GPRIN2: variants seen among roughly 807,000 people sequenced by gnomAD.
The protein encoded by GPRIN2 is G protein-regulated inducer of neurite outgrowth 2.
GPRIN2 carries 1 observed loss-of-function variant against 0.3 expected under a neutral mutation model. That is an observed-to-expected ratio of 3.90 (90% confidence interval 1.39 to 18.51). GPRIN2 has a LOEUF of 18.51. GPRIN2 is among the 30% of genes most tolerant of loss of function. The probability of loss-of-function intolerance (pLI) is 0.11; values close to 1 mark genes in which losing one functional copy is unlikely to be tolerated. For synonymous variants in GPRIN2, 361 were observed against 258.6 expected (o/e 1.40, Z -3.80); for missense variants, 880 against 604.2 (o/e 1.46, Z -4.79).
Position 46,550,608 on chromosome 10 carries a change from G to A in GPRIN2, c.129C>T (p.Ala43=). The A allele has an allele frequency of 6.3e-7, 1 of 1,587,276 alleles. No individual in the cohort carries two copies. Among genetic ancestry groups the A allele is most frequent in the Non-Finnish European group, 8.6e-7 (1 of 1,167,128 alleles). The change falls in exon 3 of 3, where the codon GCC becomes GCT. Residue 43 remains alanine (A), a synonymous_variant. Coordinates refer to ENST00000374314, the MANE Select transcript of GPRIN2 (RefSeq NM_001385282.1). ...GCTGGGCCTGCCACACGGTGCTGCT[G>A]GCAGTCTTGCGGAGCTCTGGCCTCT... The part of the protein sequence containing the change: ...REQRPELRKT[A]SSTVWQAQLG...
chr10:46,550,128 G>T lies in GPRIN2; in HGVS notation c.609C>A (p.Asp203Glu). The T allele has an allele frequency of 6.2e-7, 1 of 1,607,104 alleles. No homozygotes were observed. The part of the protein sequence containing the change: ...QLSVPPLDLG[D>E]TTAHSSSAQA... ...GGGCACTGCTGCTGTGGGCAGTTGTGTCCCCCAGGTCTAGTGGTGGCACTG... is the reference window on the plus strand; with the variant it reads ...GGGCACTGCTGCTGTGGGCAGTTGTTTCCCCCAGGTCTAGTGGTGGCACTG... The change falls in exon 3 of 3, where the codon GAC (aspartate) becomes GAA (glutamate). Residue 203 changes from aspartate (D) to glutamate (E), a missense_variant. Transcript: ENST00000374314.
rs970195409 is a variant in GPRIN2 at position 46,545,826 on chromosome 10, A to C, written c.*3534T>G. On this transcript the variant is annotated 3_prime_UTR_variant, in exon 3 of 3. Transcript: ENST00000374314. ...ATTCTATTTAATCTCCACACCAAGCATGTGAAGGAGGCACCATTGTCATCC... is the reference window on the plus strand; with the variant it reads ...ATTCTATTTAATCTCCACACCAAGCCTGTGAAGGAGGCACCATTGTCATCC... 5.2e-5 allele frequency among the ~76,000 whole-genome samples: 8 copies of C among 152,418 alleles called. No homozygotes were observed. The highest frequency in any genetic ancestry group is 3.3e-4 in the Admixed American group (5 of 15,310).
intron 2 of GPRIN2, among the ~76,000 whole-genome samples, 175 bp from the exon 3 acceptor site, chr10:46,550,917 A>C (rs971769152): frequency 6.6e-6 from 1 of 152,308 alleles, no homozygotes; most frequent in African/African-American, 2.4e-5. Flanking sequence ...AGACACTTCA[A>C]ATCAAGGTCA....
At position 46,549,262 on chromosome 10, in the gene GPRIN2, C is replaced by A. The variant is rs899522865; in HGVS notation, c.*98G>T. The A allele has an allele frequency of 2.0e-5, 28 of 1,382,700 alleles. No individual in the cohort carries two copies. In the African/African-American group the frequency reaches 3.6e-4, roughly 18 times the overall value. 85.7% of individuals were successfully genotyped at this position (1,382,700 alleles called of 1,614,324 possible). On this transcript the variant is annotated 3_prime_UTR_variant, in exon 3 of 3. Coordinates refer to ENST00000374314, the MANE Select transcript of GPRIN2 (RefSeq NM_001385282.1). ...ATATTCAGGTGAGAGATGTGCCCAG[C>A]TGCCGGTGGGTCCAGGGGGCACGGA... is the stretch of plus-strand genomic sequence containing the variant.
Position 46,546,784 on chromosome 10 carries a change from T to C in GPRIN2, c.*2576A>G, listed in dbSNP as rs1842198542. Reference sequence around the variant, plus strand: ...GACCTGTCAGCAGCAGCTGTGCAACTGGGCTAGGGAGACAAGGATCGTGGT... The same window carrying C: ...GACCTGTCAGCAGCAGCTGTGCAACCGGGCTAGGGAGACAAGGATCGTGGT... On this transcript the variant is annotated 3_prime_UTR_variant, in exon 3 of 3. Transcript: ENST00000374314. 1.3e-5 allele frequency among the ~76,000 whole-genome samples: 2 copies of C among 152,312 alleles called. No individual in the cohort carries two copies. The highest frequency in any genetic ancestry group is 2.4e-5 in the African/African-American group (1 of 41,488).
At position 46,545,812 on chromosome 10, in the gene GPRIN2, T is replaced by C. The variant is rs1842103728; in HGVS notation, c.*3548A>G. Reference sequence around the variant, plus strand: ...GCACTACTTGGGTTATTCTATTTAATCTCCACACCAAGCATGTGAAGGAGG... The same window carrying C: ...GCACTACTTGGGTTATTCTATTTAACCTCCACACCAAGCATGTGAAGGAGG... On this transcript the variant is annotated 3_prime_UTR_variant, in exon 3 of 3. Coordinates refer to ENST00000374314, the MANE Select transcript of GPRIN2 (RefSeq NM_001385282.1). 6.6e-6 allele frequency among the ~76,000 whole-genome samples: 1 copy of C among 152,310 alleles called. No individual in the cohort carries two copies. Among genetic ancestry groups the C allele is most frequent in the African/African-American group, 2.4e-5 (1 of 41,488 alleles).
Position 46,548,294 on chromosome 10 carries a change from A to G in GPRIN2, c.*1066T>C, listed in dbSNP as rs1832809668. 6.7e-3 allele frequency among the ~76,000 whole-genome samples: 1,023 copies of G among 151,770 alleles called. No individual in the cohort carries two copies. Among genetic ancestry groups the G allele is most frequent in the Non-Finnish European group, 0.011 (765 of 67,580 alleles). On this transcript the variant is annotated 3_prime_UTR_variant, in exon 3 of 3. Coordinates refer to ENST00000374314, the MANE Select transcript of GPRIN2 (RefSeq NM_001385282.1). Reference sequence around the variant, plus strand: ...GCCCCTGGCCCCCACTGCCTAGCCTAGGTCAGGTCATGTGGGCAAGCGAGC... The same window carrying G: ...GCCCCTGGCCCCCACTGCCTAGCCTGGGTCAGGTCATGTGGGCAAGCGAGC...
rs1832656739 is a variant in GPRIN2 at position 46,549,612 on chromosome 10, C to T, written c.1125G>A (p.Val375=). 186 of 1,613,722 alleles carry T rather than the reference C, an allele frequency of 1.2e-4. No individual in the cohort carries two copies. Among genetic ancestry groups the T allele is most frequent in the Non-Finnish European group, 1.4e-4 (161 of 1,179,646 alleles). ...ATCGCACATCCCGCACAGGGGACGG[C>T]ACCTCCTCCAGGCTGGACCCCAGAG... The part of the protein sequence containing the change: ...EVTLGSSLEE[V]PSPVRDVRWD... Residue 375 remains valine (V), a synonymous_variant, in exon 3 of 3, where the codon GTG becomes GTA. Coordinates refer to ENST00000374314, the MANE Select transcript of GPRIN2 (RefSeq NM_001385282.1).
rs1832666527 is a variant in GPRIN2, at chr10:46,549,593, C to T, written c.1144G>A (p.Val382Met). The T allele has an allele frequency of 3.7e-6, 6 of 1,614,118 alleles. No individual in the cohort carries two copies. Among genetic ancestry groups the T allele is most frequent in the Admixed American group, 1.7e-5 (1 of 60,014 alleles). The change falls in exon 3 of 3, where the codon GTG (valine) becomes ATG (methionine). Residue 382 changes from valine (V) to methionine (M), a missense_variant. By Grantham distance (21) the Val-to-Met change is conservative. Coordinates refer to ENST00000374314, the MANE Select transcript of GPRIN2 (RefSeq NM_001385282.1). ...GTCATGCCCTCAGCATCCCATCGCA[C>T]ATCCCGCACAGGGGACGGCACCTCC... Reference protein sequence around the residue: ...LEEVPSPVRDVRWDAEGMTWE... With the variant: ...LEEVPSPVRDMRWDAEGMTWE...
Position 46,549,682 on chromosome 10 carries a change from G to C in GPRIN2, c.1055C>G (p.Pro352Arg), listed in dbSNP as rs1832628277. The change falls in exon 3 of 3, where the codon CCG (proline) becomes CGG (arginine). Residue 352 changes from proline (P) to arginine (R), a missense_variant. Physicochemically the swap from Pro to Arg is moderately radical, Grantham distance 103. Transcript: ENST00000374314. ...VAACKAVATS[P>R]SLEAPAALHV... ...CAGGGCTGCAGGCGCTTCCAGGGACGGACTGGTGGCCACAGCCTTGCAGGC... is the reference window on the plus strand; with the variant it reads ...CAGGGCTGCAGGCGCTTCCAGGGACCGACTGGTGGCCACAGCCTTGCAGGC... 2.5e-6 allele frequency: 4 copies of C among 1,614,098 alleles called. No individual in the cohort carries two copies. The highest frequency in any genetic ancestry group is 2.2e-5 in the South Asian group (2 of 91,086).
chr10:46,550,533 C>A lies in GPRIN2; in HGVS notation c.204G>T (p.Pro68=). ...RPQAPEEEGN[P]PESMKPARAS... ...CCCGTGCTGGCTTCATGCTCTCAGG[C>A]GGGTTCCCCTCTTCCTCCGGGGCCT... is the stretch of plus-strand genomic sequence containing the variant. The change falls in exon 3 of 3, where the codon CCG becomes CCT. Residue 68 remains proline, a synonymous_variant. Transcript: ENST00000374314. The A allele has an allele frequency of 1.4e-5, 23 of 1,594,628 alleles. No individual in the cohort carries two copies. Among genetic ancestry groups the A allele is most frequent in the Non-Finnish European group, 1.9e-5 (22 of 1,169,544 alleles).
At position 46,549,548 on chromosome 10, in the gene GPRIN2, C is replaced by A. The variant is rs2131603762; in HGVS notation, c.1189G>T (p.Ala397Ser). ...EGMTWEVYGA[A>S]VDLEVLGVAI... Reference sequence around the variant, plus strand: ...ACACCGAGCACCTCCAGGTCCACCGCAGCTCCGTACACCTCCCATGTCATG... The same window carrying A: ...ACACCGAGCACCTCCAGGTCCACCGAAGCTCCGTACACCTCCCATGTCATG... Residue 397 changes from alanine (A) to serine (S), a missense_variant, in exon 3 of 3, where the codon GCG becomes TCG. By Grantham distance (99) the Ala-to-Ser change is moderately conservative. Coordinates refer to ENST00000374314, the MANE Select transcript of GPRIN2 (RefSeq NM_001385282.1). The A allele has an allele frequency of 6.2e-7, 1 of 1,613,896 alleles. No homozygotes were observed. The highest frequency in any genetic ancestry group is 8.5e-7 in the Non-Finnish European group (1 of 1,179,760).
intron 1 of GPRIN2, among the ~76,000 whole-genome samples, chr10:46,556,116 G>C (rs1843186883): frequency 1.3e-5 from 2 of 152,308 alleles, no homozygotes; most frequent in Non-Finnish European, 2.9e-5. Context: ...TAATGATGCG[G>C]GACAGGAGAA....
intron 2 of GPRIN2, chr10:46,551,502 A>T: frequency 1.0e-6 from 1 of 985,520 alleles, no homozygotes; most frequent in Non-Finnish European, 1.2e-6. Context: ...ATTCCACAGC[A>T]TCTCCTGAGC....
Position 46,545,535 on chromosome 10 carries a change from G to A in GPRIN2, c.*3825C>T, listed in dbSNP as rs1401508911. On this transcript the variant is annotated 3_prime_UTR_variant, in exon 3 of 3. Transcript: ENST00000374314. ...GCCCAAGATGAGTGGTGAGGGCTAG[G>A]GTAGCCCTCCTCAATGCACTCTGGG... 7.2e-5 allele frequency among the ~76,000 whole-genome samples: 11 copies of A among 152,302 alleles called. No individual in the cohort carries two copies. The highest frequency in any genetic ancestry group is 1.5e-4 in the Non-Finnish European group (10 of 68,050).
At chr10:46,551,332 C>G in intron 2 of GPRIN2, 4 of 930,146 alleles carry the variant, frequency 4.3e-6, no homozygotes, top group Non-Finnish European at 5.1e-6. Flanking sequence ...CACTGAGAAT[C>G]ACCCTGGGCT....
Position 46,549,871 on chromosome 10 carries a change from T to C in GPRIN2, c.866A>G (p.His289Arg), listed in dbSNP as rs1448447324. Residue 289 changes from histidine (H) to arginine (R), a missense_variant, in exon 3 of 3, where the codon CAT (histidine) becomes CGT (arginine). Physicochemically the swap from His to Arg is conservative, Grantham distance 29. Coordinates refer to ENST00000374314, the MANE Select transcript of GPRIN2 (RefSeq NM_001385282.1). ...CCAAAGGTGGGCACAGCAATGGGAA[T>C]GCCCAGGGAGCCCCCCAGACAACCT... is the stretch of plus-strand genomic sequence containing the variant. ...HCRLSGGLPG[H>R]SHCCAHLWGP... The C allele has an allele frequency of 6.2e-7, 1 of 1,614,158 alleles. No homozygotes were observed. The highest frequency in any genetic ancestry group is 1.3e-5 in the African/African-American group (1 of 74,968).
upstream of GPRIN2, among the ~76,000 whole-genome samples, chr10:46,556,820 A>G (rs1588982147): frequency 7.3e-6 from 1 of 136,484 alleles, no homozygotes; most frequent in Admixed American, 7.7e-5. Context: ...ACCCCTCCTC[A>G]GGCCGGGTCC....
rs1842034327 is a variant in GPRIN2, at chr10:46,545,050, C to A, written c.*4310G>T. Among the ~76,000 whole-genome samples, 1 of 152,310 alleles carries A rather than the reference C, an allele frequency of 6.6e-6. No homozygotes were observed. ...AAAAGGAGAAGGAATTTAACATGGG[C>A]AAATGCCAAGCTCTGCATTTAACTA... On this transcript the variant is annotated 3_prime_UTR_variant, in exon 3 of 3. Coordinates refer to ENST00000374314, the MANE Select transcript of GPRIN2 (RefSeq NM_001385282.1).
Sources: allele counts gnomAD v4.1 joint callset (sites outside exome capture counted in the v4.1 genomes callset), GRCh38; gene constraint gnomAD v4.1.1; transcripts MANE v1.5; gene names NCBI Gene and HGNC (gene_info 2026-07-23, HGNC 2026-07-21).